Variants in COL12A1 observed in about 807,000 individuals in gnomAD.
COL12A1 encodes the protein collagen type XII alpha 1 chain, also known as collagen alpha-1(XII) chain.
In COL12A1, 114 loss-of-function variants were observed where a neutral mutation model predicts 349.7. The observed-to-expected ratio is 0.33, with a 90% CI of 0.28 to 0.38. The LOEUF (loss-of-function observed/expected upper bound fraction) is 0.38, where lower values mean the gene tolerates loss of function less well. COL12A1 is among the 10% of genes least tolerant of loss of function. The pLI is 1.00. For synonymous variants in COL12A1, 1,369 were observed against 1,329.0 expected (o/e 1.03, Z -0.66); for missense variants, 3,284 against 3,756.9 (o/e 0.87, Z 3.29).
chr6:75,109,558 T>C (rs1305268773), intron 51 of COL12A1, among the ~76,000 whole-genome samples: 1 of 152,148 alleles, frequency 6.6e-6, no homozygotes, highest in African/African-American at 2.4e-5. Flanking sequence ...ATTTCAGATG[T>C]CTTCCACTAA....
At chr6:75,167,124 A>G (rs1317031016) in intron 13 of COL12A1, among the ~76,000 whole-genome samples, 1 of 152,170 alleles carries the variant, frequency 6.6e-6, no homozygotes, top group Non-Finnish European at 1.5e-5. Flanking sequence ...AGTCTTCTTT[A>G]GCTGTCTTTA....
rs565945651 is a variant in COL12A1 at position 75,101,875 on chromosome 6, G to A, written c.8469+124C>T. The A allele has an allele frequency of 6.2e-5, 71 of 1,137,636 alleles. No individual in the cohort carries two copies. The South Asian group carries it at 9.2e-4, about 15-fold the overall frequency. The allele number at this position is 1,137,636 out of a possible 1,614,324, so 70.5% of individuals were successfully genotyped here. A position where few individuals can be genotyped will look rare whatever the true frequency, so the allele number is the denominator to read the frequency against. Reference sequence around the variant, plus strand: ...GAAGGTTAAGACCAGGGTATGAAATGGAAATGAGGTGAAACACATATCCAG... The same window carrying A: ...GAAGGTTAAGACCAGGGTATGAAATAGAAATGAGGTGAAACACATATCCAG... On this transcript the variant is annotated intron_variant, in intron 57 of 65. Coordinates refer to ENST00000322507, the MANE Select transcript of COL12A1 (RefSeq NM_004370.6).
chr6:75,103,869 A>G, intron 54 of COL12A1, 59 bp from the exon 55 acceptor site: 2 of 1,388,056 alleles, frequency 1.4e-6, no homozygotes, highest in East Asian at 2.4e-5. Flanking sequence ...AAGTTGATAT[A>G]CAAAAAGTCC....
intron 13 of COL12A1, among the ~76,000 whole-genome samples, chr6:75,171,480 T>C (rs1046684675): frequency 6.6e-6 from 1 of 152,190 alleles, no homozygotes; most frequent in Admixed American, 6.5e-5. Flanking sequence ...TTTTTCAAAA[T>C]ACAAAACAAC....
At chr6:75,091,696 C>A in intron 60 of COL12A1, among the ~76,000 whole-genome samples, 171 bp from the exon 61 acceptor site, 1 of 152,006 alleles carries the variant, frequency 6.6e-6, no homozygotes, top group East Asian at 1.9e-4. Context: ...AAAAAGGAAT[C>A]TAATCTCTCT....
intron 58 of COL12A1, among the ~76,000 whole-genome samples, chr6:75,098,119 C>G (rs577653736): frequency 6.6e-6 from 1 of 152,246 alleles, no homozygotes; most frequent in East Asian, 1.9e-4. Flanking sequence ...AAGTTTACTA[C>G]ACATTTAAAT....
intron 44 of COL12A1, among the ~76,000 whole-genome samples, chr6:75,120,039 T>A (rs895539274): frequency 1.3e-5 from 2 of 152,222 alleles, no homozygotes; most frequent in Non-Finnish European, 2.9e-5. Flanking sequence ...TGGATTTTTT[T>A]TATCAGTAAA....
At chr6:75,174,621 A>C (rs970138536) in intron 13 of COL12A1, among the ~76,000 whole-genome samples, 2 of 152,214 alleles carry the variant, frequency 1.3e-5, no homozygotes, top group Non-Finnish European at 2.9e-5. Flanking sequence ...TGGAAAGAGC[A>C]CTTGAATGGA....
intron 58 of COL12A1, among the ~76,000 whole-genome samples, chr6:75,100,025 C>T (rs1008007687): frequency 1.3e-5 from 2 of 152,194 alleles, no homozygotes; most frequent in Admixed American, 6.5e-5. Context: ...TATGCACCCT[C>T]CTTTTTGCAT....
Position 75,188,445 on chromosome 6 carries a change from A to G in COL12A1, c.914T>C (p.Ile305Thr). 6.2e-7 allele frequency: 1 copy of G among 1,613,628 alleles called. No individual in the cohort carries two copies. The highest frequency in any genetic ancestry group is 8.5e-7 in the Non-Finnish European group (1 of 1,179,656). Residue 305 changes from isoleucine (I) to threonine (T), a missense_variant, in exon 8 of 66, where the codon ATT (isoleucine) becomes ACT (threonine). Ile to Thr is a moderately conservative substitution (Grantham distance 89). Around this residue, in one of 2 missense-constraint regions of COL12A1, gnomAD observed 2,601 missense variants for 2,824.8 expected, o/e 0.92. Transcript: ENST00000322507. The part of the protein sequence containing the change: ...HVFNVANFDA[I>T]VDIQNEIISQ... Reference sequence around the variant, plus strand: ...GATGATCTCATTCTGAATATCCACAATTGCATCAAAGTTGGCCACATTGAA... The same window carrying G: ...GATGATCTCATTCTGAATATCCACAGTTGCATCAAAGTTGGCCACATTGAA...
intron 21 of COL12A1, 115 bp downstream of exon 21, chr6:75,151,026 A>T: frequency 7.6e-6 from 6 of 792,162 alleles, no homozygotes; most frequent in Non-Finnish European, 1.1e-5. Context: ...GGCCTTTCAC[A>T]CTGCTAAACA....
chr6:75,138,274 A>T, intron 30 of COL12A1, 46 bp downstream of exon 30: 1 of 1,537,986 alleles, frequency 6.5e-7, no homozygotes, highest in South Asian at 1.2e-5. Context: ...TTATACATTC[A>T]TTCATTATTT....
At position 75,124,054 on chromosome 6, in the gene COL12A1, G is replaced by A. The variant is rs777368734; in HGVS notation, c.6765C>T (p.Thr2255=). 1 of 1,613,856 alleles carries A rather than the reference G, an allele frequency of 6.2e-7. No homozygotes were observed. The highest frequency in any genetic ancestry group is 1.7e-5 in the Admixed American group (1 of 59,990). Residue 2255 remains threonine (T), a synonymous_variant, in exon 42 of 66, where the codon ACC becomes ACT. Transcript: ENST00000322507. The stretch of plus-strand genomic sequence containing the variant: ...GTGAAAGGCCAGTGAAGCAGTGACT[G>A]GTTTCTGATCCACGCACTGTAATTT... The part of the protein sequence containing the change: ...GQEITVRGSE[T]SHCFTGLSPD...
chr6:75,149,961 G>T (rs1767398981), intron 21 of COL12A1, among the ~76,000 whole-genome samples: 2 of 152,094 alleles, frequency 1.3e-5, no homozygotes, highest in Non-Finnish European at 2.9e-5. Context: ...TGCCAGGCTG[G>T]TCTATTTCTC....
chr6:75,137,698 T>A lies in COL12A1; in HGVS notation c.5252-119A>T, dbSNP rs879352671. ...GCCTCTGGGTTTATAATTAAATTCG[T>A]TCCCTTAATAAAAATGGTTATTGAT... On this transcript the variant is annotated intron_variant, in intron 30 of 65. Transcript: ENST00000322507. The A allele has an allele frequency of 1.7e-5, 19 of 1,089,126 alleles. 1 individual carries two copies. In the South Asian group the frequency reaches 2.7e-4, roughly 16 times the overall value. 67.5% of individuals were successfully genotyped at this position (1,089,126 alleles called of 1,614,324 possible).
rs1349416044 is a variant in COL12A1, at chr6:75,109,126, A to C, written c.7992T>G (p.Ile2664Met). The C allele has an allele frequency of 6.2e-7, 1 of 1,603,898 alleles. No individual in the cohort carries two copies. Among genetic ancestry groups the C allele is most frequent in the Non-Finnish European group, 8.5e-7 (1 of 1,171,934 alleles). The change falls in exon 52 of 66, where the codon ATT becomes ATG. Residue 2664 changes from isoleucine (I) to methionine (M), a missense_variant. Transcript: ENST00000322507. ...VVTSKSVKIY[I>M]DCYEIIEKDI... ...CTTTTTCTATAATTTCATAGCAGTC[A>C]ATGTAAATCTTAACACTTTTTGAGG...
chr6:75,126,079 G>A (rs1385543993), intron 39 of COL12A1, among the ~76,000 whole-genome samples: 1 of 152,084 alleles, frequency 6.6e-6, no homozygotes, highest in Admixed American at 6.6e-5. Flanking sequence ...GATGTCTGAA[G>A]ACAGGCATCT....
Position 75,115,797 on chromosome 6 carries a change from T to C in COL12A1, c.7684A>G (p.Asn2562Asp). The C allele has an allele frequency of 1.2e-6, 2 of 1,611,440 alleles. No homozygotes were observed. The highest frequency in any genetic ancestry group is 1.7e-6 in the Non-Finnish European group (2 of 1,178,962). The stretch of plus-strand genomic sequence containing the variant: ...TGTCACACTTACGCTGTAGGCTGAT[T>C]CACAAACGCATTCTTCTGAATCCTG... ...AYRIQKNAFV[N>D]QPTADLHPNG... The change falls in exon 49 of 66, where the codon AAT becomes GAT. Residue 2562 changes from asparagine (N) to aspartate (D), a missense_variant. Asn to Asp is a conservative substitution (Grantham distance 23). Around this residue, in one of 2 missense-constraint regions of COL12A1, gnomAD observed 683 missense variants for 932.1 expected, o/e 0.73. Coordinates refer to ENST00000322507, the MANE Select transcript of COL12A1 (RefSeq NM_004370.6).
intron 49 of COL12A1, 24 bp downstream of exon 49, chr6:75,115,760 A>C: frequency 6.4e-7 from 1 of 1,570,932 alleles, no homozygotes; most frequent in Non-Finnish European, 8.6e-7. Context: ...TAAGAAAAGG[A>C]AAACCTCCTG....
Sources: gnomAD v4.1 joint callset for allele counts (sites outside exome capture counted in the v4.1 genomes callset) on GRCh38, gnomAD v4.1.1 for gene constraint, gnomAD v4.1.1 regional missense constraint, MANE v1.5 for transcripts, NCBI Gene and HGNC (gene_info 2026-07-23, HGNC 2026-07-21) for gene names.